Variants in ZMYM4 observed in about 807,000 individuals in gnomAD.
The protein encoded by ZMYM4 is zinc finger MYM-type protein 4.
A neutral mutation model predicts 183.2 loss-of-function variants in ZMYM4; 31 were observed. The ratio of observed to expected loss-of-function variants is 0.17; its 90% CI spans 0.13 to 0.23. ZMYM4 has a LOEUF of 0.23. ZMYM4 is among the 10% of genes least tolerant of loss of function. The probability of loss-of-function intolerance (pLI) is 1.00; values close to 1 mark genes in which losing one functional copy is unlikely to be tolerated. For missense variants in ZMYM4, 1,273 were observed against 1,840.3 expected, an observed-to-expected ratio of 0.69 and a Z score of 5.64; for synonymous variants, 592 against 631.2, an observed-to-expected ratio of 0.94 and a Z score of 0.93.
In ZMYM4 at chr1:35,325,343, C is replaced by CT; in HGVS notation, c.40-11dup. ...GATATGATGGTAATGTTACTTTTTC[C>CT]TTTTTTGCTTTTCCAGTTTGAACAA... On this transcript the variant is annotated splice_polypyrimidine_tract_variant and intron_variant, in intron 1 of 29. Transcript: ENST00000314607. 1.3e-6 allele frequency: 2 copies of CT among 1,596,292 alleles called. No individual in the cohort carries two copies. Among genetic ancestry groups the CT allele is most frequent in the Admixed American group, 1.7e-5 (1 of 58,226 alleles).
rs150381534 is a variant in ZMYM4 at position 35,350,507 on chromosome 1, G to C, written c.86-8418G>C. On this transcript the variant is annotated intron_variant, in intron 2 of 29. Transcript: ENST00000314607. ...TTGCCATGTTGGCTAGGCTGGTCTC[G>C]AACTCCTGACCTCAGGTAATCCGCC... Among the ~76,000 whole-genome samples the C allele has an allele frequency of 4.3e-3, 659 of 152,220 alleles. 3 individuals carry two copies. The highest frequency in any genetic ancestry group is 0.012 in the South Asian group (56 of 4,822).
chr1:35,378,939 A>C (rs895667689), intron 7 of ZMYM4, among the ~76,000 whole-genome samples: 4 of 152,204 alleles, frequency 2.6e-5, no homozygotes, highest in African/African-American at 9.7e-5. Context: ...TGCTAGCTCT[A>C]AACTTCTGCA....
rs1367290359 is a variant in ZMYM4 at position 35,419,735 on chromosome 1, T to C, written c.*58T>C. 11 of 1,548,392 alleles carry C rather than the reference T, an allele frequency of 7.1e-6. No homozygotes were observed. Among genetic ancestry groups the C allele is most frequent in the Non-Finnish European group, 8.9e-6 (10 of 1,126,802 alleles). ...TGGTATGCACCAAACTGTGAATGCA[T>C]CCAGCTGTTGGAAAATGATGTATAA... On this transcript the variant is annotated 3_prime_UTR_variant, in exon 30 of 30. Transcript: ENST00000314607.
rs139135654 is a variant in ZMYM4, at chr1:35,330,089, C to T, written c.85+4684C>T. On this transcript the variant is annotated intron_variant, in intron 2 of 29. Coordinates refer to ENST00000314607, the MANE Select transcript of ZMYM4 (RefSeq NM_005095.3). ...AAATAGTTGAATGTGGTGGTGCATG[C>T]CTGTAGTCCCAGCTGCTTGGGAGAT... 2.2e-3 allele frequency among the ~76,000 whole-genome samples: 334 copies of T among 151,972 alleles called. 3 individuals carry two copies. Among genetic ancestry groups the T allele is most frequent in the Admixed American group, 3.5e-3 (53 of 15,248 alleles).
intron 9 of ZMYM4, among the ~76,000 whole-genome samples, chr1:35,382,992 AATC>A (rs1158285349): frequency 6.6e-6 from 1 of 152,180 alleles, no homozygotes; most frequent in Non-Finnish European, 1.5e-5. Context: ...CAAACCAGAT[AATC>A]AAAATTATAT....
chr1:35,406,061 G>A (rs1644998014), intron 25 of ZMYM4, among the ~76,000 whole-genome samples: 2 of 152,140 alleles, frequency 1.3e-5, no homozygotes, highest in Non-Finnish European at 2.9e-5. Flanking sequence ...GGAATGAGAT[G>A]GGGCAGAATG....
At chr1:35,324,996 T>C (rs1558004036) in intron 1 of ZMYM4, among the ~76,000 whole-genome samples, 1 of 152,130 alleles carries the variant, frequency 6.6e-6, no homozygotes, top group Non-Finnish European at 1.5e-5. Context: ...TGTTCAGTTT[T>C]GATGGGAAGT....
At chr1:35,286,010 G>C (rs1319259103) in intron 1 of ZMYM4, among the ~76,000 whole-genome samples, 1 of 152,142 alleles carries the variant, frequency 6.6e-6, no homozygotes. Context: ...CTTTCACCAT[G>C]TCTATTCAGT....
At chr1:35,281,926 G>T (rs1302975707) in intron 1 of ZMYM4, among the ~76,000 whole-genome samples, 5 of 152,110 alleles carry the variant, frequency 3.3e-5, no homozygotes, top group Non-Finnish European at 5.9e-5. Flanking sequence ...ATCCTTTGGT[G>T]TCTGACATTT....
At chr1:35,410,792 A>T (rs1403286002) in intron 26 of ZMYM4, among the ~76,000 whole-genome samples, 1 of 151,142 alleles carries the variant, frequency 6.6e-6, no homozygotes, top group Non-Finnish European at 1.5e-5. Context: ...GCCCGGCCAA[A>T]TTTTTTTTAT....
intron 1 of ZMYM4, among the ~76,000 whole-genome samples, chr1:35,314,889 G>A (rs1252241088): frequency 6.6e-6 from 1 of 151,446 alleles, no homozygotes; most frequent in East Asian, 2.0e-4. Flanking sequence ...GCCAGGTGTG[G>A]TGGTGCGCAT....
chr1:35,285,889 T>G (rs1640458531), intron 1 of ZMYM4, among the ~76,000 whole-genome samples: 1 of 152,122 alleles, frequency 6.6e-6, no homozygotes, highest in Non-Finnish European at 1.5e-5. Flanking sequence ...AAGAGGGGAA[T>G]TTCCTCAACA....
chr1:35,420,285 A>G lies in ZMYM4; in HGVS notation c.*608A>G, dbSNP rs1157144454. The G allele has an allele frequency of 6.4e-6, 1 of 155,816 alleles. No homozygotes were observed. The highest frequency in any genetic ancestry group is 1.4e-5 in the Non-Finnish European group (1 of 69,978). The allele number at this position is 155,816 out of a possible 1,614,324, so 9.7% of individuals were successfully genotyped here. ...TGGGCCCCTCACATCAGGGAAAATG[A>G]CCTTCACTGCTGTTAACAGTAATGT... is the stretch of plus-strand genomic sequence containing the variant. On this transcript the variant is annotated 3_prime_UTR_variant, in exon 30 of 30. Coordinates refer to ENST00000314607, the MANE Select transcript of ZMYM4 (RefSeq NM_005095.3).
At chr1:35,302,387 T>C (rs1641330572) in intron 1 of ZMYM4, among the ~76,000 whole-genome samples, 1 of 138,676 alleles carries the variant, frequency 7.2e-6, no homozygotes, top group Middle Eastern at 3.5e-3. Context: ...ACTTTTTTTT[T>C]TTTTTTTTTT....
intron 1 of ZMYM4, among the ~76,000 whole-genome samples, chr1:35,285,970 C>T: frequency 6.6e-6 from 1 of 152,260 alleles, no homozygotes; most frequent in African/African-American, 2.4e-5. Flanking sequence ...AGATTTTATC[C>T]TCAGATGAGG....
At chr1:35,274,103 G>C (rs759918140) in intron 1 of ZMYM4, among the ~76,000 whole-genome samples, 20 of 152,006 alleles carry the variant, frequency 1.3e-4, no homozygotes, top group Non-Finnish European at 2.8e-4. Flanking sequence ...TCTCTTTTCT[G>C]TCTTTTTGCT....
rs1643930088 is a variant in ZMYM4 at position 35,361,231 on chromosome 1, A to G, written c.645A>G (p.Pro215=). 1 of 1,605,904 alleles carries G rather than the reference A, an allele frequency of 6.2e-7. No homozygotes were observed. The highest frequency in any genetic ancestry group is 1.1e-5 in the South Asian group (1 of 88,706). The change falls in exon 4 of 30, where the codon CCA becomes CCG. Residue 215 remains proline (P), a synonymous_variant. Coordinates refer to ENST00000314607, the MANE Select transcript of ZMYM4 (RefSeq NM_005095.3). ...AAGAAACATTACATACCCATTTACC[A>G]CAAACCCCAGAAACAAACTTTAGGG... The part of the protein sequence containing the change: ...QVEETLHTHL[P]QTPETNFRDS...
chr1:35,407,830 C>G (rs1391053053), intron 25 of ZMYM4, among the ~76,000 whole-genome samples, 178 bp from the exon 26 acceptor site: 1 of 152,218 alleles, frequency 6.6e-6, no homozygotes, highest in African/African-American at 2.4e-5. Context: ...ACCATATGCA[C>G]TGGTCTTTAT....
chr1:35,315,509 A>G (rs2148795697), intron 1 of ZMYM4, among the ~76,000 whole-genome samples: 1 of 152,318 alleles, frequency 6.6e-6, no homozygotes, highest in South Asian at 2.1e-4. Flanking sequence ...TGATGGAGAA[A>G]CCAAGCCTGT....
Sources: gnomAD v4.1 joint callset for allele counts (sites outside exome capture counted in the v4.1 genomes callset) on GRCh38, gnomAD v4.1.1 for gene constraint, MANE v1.5 for transcripts, NCBI Gene and HGNC (gene_info 2026-07-23, HGNC 2026-07-21) for gene names.